Variants in RPIA observed in about 807,000 individuals in gnomAD.
The protein encoded by RPIA is ribose-5-phosphate isomerase.
A neutral mutation model predicts 37.8 loss-of-function variants in RPIA; 29 were observed. The ratio of observed to expected loss-of-function variants is 0.77; its 90% CI spans 0.57 to 1.05. The LOEUF (loss-of-function observed/expected upper bound fraction) is 1.05, where lower values mean the gene tolerates loss of function less well. Ranked by LOEUF, RPIA falls within the 50% of genes least tolerant of loss-of-function variation. The pLI, the probability that RPIA is intolerant of heterozygous loss-of-function variation, is 0.00. For synonymous variants in RPIA, 167 were observed against 157.0 expected (o/e 1.06, Z -0.48); for missense variants, 385 against 413.6 (o/e 0.93, Z 0.60).
At chr2:88,698,870 C>A (rs1672791216) in intron 2 of RPIA, among the ~76,000 whole-genome samples, 1 of 152,216 alleles carries the variant, frequency 6.6e-6, no homozygotes, top group Non-Finnish European at 1.5e-5. Flanking sequence ...TTTGCGTGAG[C>A]TCAGACTTCC....
At chr2:88,746,200 A>G (rs1352883297) in intron 8 of RPIA, among the ~76,000 whole-genome samples, 1 of 150,750 alleles carries the variant, frequency 6.6e-6, no homozygotes, top group Non-Finnish European at 1.5e-5. Context: ...GTTGGTTTTC[A>G]CCTTTCTCTG....
In RPIA at chr2:88,735,750, G is replaced by A. The variant is rs1260471524; in HGVS notation, c.596+13G>A. 6.2e-7 allele frequency: 1 copy of A among 1,613,552 alleles called. No homozygotes were observed. Among genetic ancestry groups the A allele is most frequent in the South Asian group, 1.1e-5 (1 of 91,058 alleles). On this transcript the variant is annotated intron_variant, in intron 6 of 8. Coordinates refer to ENST00000283646, the MANE Select transcript of RPIA (RefSeq NM_144563.3). ...TCGCTGATTTCAGGTACAGTTTCTG[G>A]TGTCTGAGCTGCCAACTGAGGAGGT...
chr2:88,721,976 G>GTT (rs56803756), intron 3 of RPIA, among the ~76,000 whole-genome samples: 2 of 133,086 alleles, frequency 1.5e-5, no homozygotes, highest in Admixed American at 7.6e-5. Context: ...ATCTATAAAA[G>GTT]TTTTTTTTTT....
rs989957482 is a variant in RPIA at position 88,729,179 on chromosome 2, C to T, written c.403-99C>T. On this transcript the variant is annotated intron_variant, in intron 3 of 8. Transcript: ENST00000283646. ...GCCATGCTGGGCTTTGGGAGAGAGC[C>T]TGGGTAGGACTTGGGACACTTAAAT... 3.1e-6 allele frequency: 4 copies of T among 1,282,672 alleles called. No individual in the cohort carries two copies. The Admixed American group carries it at 5.7e-5, about 18-fold the overall frequency. 79.5% of individuals were successfully genotyped at this position (1,282,672 alleles called of 1,614,324 possible). A position where few individuals can be genotyped will look rare whatever the true frequency, so the allele number is the denominator to read the frequency against.
intron 8 of RPIA, among the ~76,000 whole-genome samples, chr2:88,746,523 T>TG (rs1673439573): frequency 6.6e-6 from 1 of 152,200 alleles, no homozygotes; most frequent in Admixed American, 6.5e-5. Flanking sequence ...GCAGTGGTTA[T>TG]GCCCTTCTGG....
intron 4 of RPIA, among the ~76,000 whole-genome samples, chr2:88,733,641 C>G (rs900814148): frequency 5.3e-5 from 8 of 152,208 alleles, no homozygotes; most frequent in African/African-American, 9.7e-5. Context: ...AGGCTGGAAT[C>G]TGTAAAAGGC....
At chr2:88,698,355 A>C in intron 1 of RPIA, 129 bp from the exon 2 acceptor site, 1 of 812,146 alleles carries the variant, frequency 1.2e-6, no homozygotes, top group Non-Finnish European at 2.2e-6. Context: ...AAATAGGCAC[A>C]GTACCTGTCT....
At chr2:88,738,935 G>A (rs1673350163) in intron 8 of RPIA, among the ~76,000 whole-genome samples, 1 of 152,174 alleles carries the variant, frequency 6.6e-6, no homozygotes, top group Non-Finnish European at 1.5e-5. Context: ...GAAGCACCAG[G>A]CGAGGAGAGG....
At chr2:88,701,736 G>A (rs1558688673) in intron 3 of RPIA, among the ~76,000 whole-genome samples, 1 of 116,062 alleles carries the variant, frequency 8.6e-6, no homozygotes, top group Non-Finnish European at 1.9e-5. Context: ...CCTTTCTGTT[G>A]TAATTCAGTA....
intron 3 of RPIA, among the ~76,000 whole-genome samples, chr2:88,723,823 A>G (rs1226881663): frequency 6.6e-6 from 1 of 152,060 alleles, no homozygotes; most frequent in Non-Finnish European, 1.5e-5. Flanking sequence ...CGTTTTAGGG[A>G]GACATGAGGT....
intron 8 of RPIA, among the ~76,000 whole-genome samples, chr2:88,744,463 A>G (rs1673419090): frequency 6.6e-6 from 1 of 152,214 alleles, no homozygotes; most frequent in South Asian, 2.1e-4. Context: ...AAGAATATAT[A>G]TTCTGTACTT....
At chr2:88,745,117 C>T (rs1436321178) in intron 8 of RPIA, among the ~76,000 whole-genome samples, 2 of 152,134 alleles carry the variant, frequency 1.3e-5, no homozygotes, top group African/African-American at 2.4e-5. Context: ...GCCACCATGA[C>T]TGGCTAATTT....
chr2:88,742,110 C>T (rs923663518), intron 8 of RPIA, among the ~76,000 whole-genome samples: 5 of 152,100 alleles, frequency 3.3e-5, no homozygotes, highest in African/African-American at 1.2e-4. Flanking sequence ...TTGGGTTCTT[C>T]GTCATGAAAT....
At chr2:88,704,466 A>G (rs149505040) in intron 3 of RPIA, among the ~76,000 whole-genome samples, 5,838 of 152,282 alleles carry the variant, frequency 0.038, 199 homozygotes, top group Non-Finnish European at 0.055. Flanking sequence ...TGATAAAACC[A>G]TCAGATCTCA....
At chr2:88,726,207 G>T (rs1573472785) in intron 3 of RPIA, among the ~76,000 whole-genome samples, 1 of 152,138 alleles carries the variant, frequency 6.6e-6, no homozygotes, top group Non-Finnish European at 1.5e-5. Flanking sequence ...CTTTGGTCAG[G>T]TACTGGGGTG....
chr2:88,704,693 G>A (rs1053131555), intron 3 of RPIA, among the ~76,000 whole-genome samples: 3 of 152,202 alleles, frequency 2.0e-5, no homozygotes, highest in Admixed American at 6.5e-5. Context: ...CACCGCTCCC[G>A]TTCAACATAG....
At chr2:88,714,578 A>G (rs1422271790) in intron 3 of RPIA, among the ~76,000 whole-genome samples, 1 of 152,124 alleles carries the variant, frequency 6.6e-6, no homozygotes, top group Non-Finnish European at 1.5e-5. Flanking sequence ...ATGTCAGATC[A>G]TTTGTCTTTC....
chr2:88,740,927 A>G (rs1224230181), intron 8 of RPIA, among the ~76,000 whole-genome samples: 3 of 152,232 alleles, frequency 2.0e-5, no homozygotes, highest in Non-Finnish European at 2.9e-5. Flanking sequence ...ATCCAGTTGC[A>G]TAGGCACAGT....
intron 3 of RPIA, 130 bp from the exon 4 acceptor site, chr2:88,729,148 T>C: frequency 1.1e-6 from 1 of 903,878 alleles, no homozygotes; most frequent in South Asian, 1.4e-5. Flanking sequence ...TCCTACCTCA[T>C]GGTGGGCCAT....
Sources: gnomAD v4.1 joint callset for allele counts (sites outside exome capture counted in the v4.1 genomes callset) on GRCh38, gnomAD v4.1.1 for gene constraint, MANE v1.5 for transcripts, NCBI Gene and HGNC (gene_info 2026-07-23, HGNC 2026-07-21) for gene names.